Variants in XKR6 observed in about 807,000 individuals in gnomAD.
XKR6 encodes the protein XK-related protein 6.
Under a neutral mutation model 56.7 loss-of-function variants are expected in XKR6, and 22 were observed. The ratio of observed to expected loss-of-function variants is 0.39; its 90% CI spans 0.28 to 0.55. The LOEUF (loss-of-function observed/expected upper bound fraction) is 0.55. Among genes scored for constraint, XKR6 ranks in the 20% least tolerant of loss-of-function variants. The probability of loss-of-function intolerance (pLI) is 0.66; values close to 1 mark genes in which losing one functional copy is unlikely to be tolerated. For missense variants in XKR6, 852 were observed against 889.0 expected (o/e 0.96, Z 0.53); for synonymous variants, 524 against 387.8 (o/e 1.35, Z -4.13).
intron 1 of XKR6, among the ~76,000 whole-genome samples, chr8:11,089,620 G>C (rs765401184): frequency 6.6e-6 from 1 of 152,136 alleles, no homozygotes; most frequent in African/African-American, 2.4e-5. Flanking sequence ...CTAGGTGACA[G>C]AGTGAGATCC....
chr8:11,114,882 C>T (rs747903638), intron 1 of XKR6, among the ~76,000 whole-genome samples: 54 of 152,146 alleles, frequency 3.5e-4, no homozygotes, highest in Non-Finnish European at 5.3e-4. Flanking sequence ...TAGCAGTACT[C>T]GTACAACATG....
intron 1 of XKR6, among the ~76,000 whole-genome samples, chr8:11,001,904 G>C (rs1362820743): frequency 6.6e-6 from 1 of 152,094 alleles, no homozygotes; most frequent in African/African-American, 2.4e-5. Flanking sequence ...TCCCTCTGCT[G>C]TTCAGCCTCT....
At chr8:10,991,262 A>T (rs866591953) in intron 1 of XKR6, among the ~76,000 whole-genome samples, 1 of 152,032 alleles carries the variant, frequency 6.6e-6, no homozygotes. Flanking sequence ...AATGCTGGTC[A>T]TGGTGCAGAA....
chr8:10,975,702 G>T (rs1802534078), intron 1 of XKR6, among the ~76,000 whole-genome samples: 1 of 152,058 alleles, frequency 6.6e-6, no homozygotes, highest in Non-Finnish European at 1.5e-5. Context: ...CTGGCAGGGG[G>T]CTGGGAGGCC....
chr8:11,198,695 A>C (rs1804027633), intron 1 of XKR6, among the ~76,000 whole-genome samples: 1 of 152,198 alleles, frequency 6.6e-6, no homozygotes, highest in Non-Finnish European at 1.5e-5. Flanking sequence ...GCTTACTACT[A>C]GTAAGTGTCC....
At chr8:11,057,558 G>A (rs1203464713) in intron 1 of XKR6, among the ~76,000 whole-genome samples, 2 of 152,216 alleles carry the variant, frequency 1.3e-5, no homozygotes, top group African/African-American at 4.8e-5. Flanking sequence ...TTTCACACAT[G>A]TGAGGCATTC....
At chr8:10,899,283 A>G (rs890600523) in intron 2 of XKR6, among the ~76,000 whole-genome samples, 11 of 152,238 alleles carry the variant, frequency 7.2e-5, no homozygotes, top group African/African-American at 2.7e-4. Flanking sequence ...TGCGGCTGGC[A>G]TTGGCGTCGC....
intron 1 of XKR6, among the ~76,000 whole-genome samples, chr8:10,967,119 G>T (rs768307458): frequency 1.3e-5 from 2 of 152,214 alleles, no homozygotes; most frequent in Non-Finnish European, 2.9e-5. Flanking sequence ...AGGTCTGCAT[G>T]ACAGTGCGTG....
At chr8:11,008,740 G>T (rs773518518) in intron 1 of XKR6, among the ~76,000 whole-genome samples, 1 of 152,044 alleles carries the variant, frequency 6.6e-6, no homozygotes, top group Admixed American at 6.6e-5. Flanking sequence ...AGGGTTCACC[G>T]GTGGACACAT....
intron 1 of XKR6, among the ~76,000 whole-genome samples, chr8:11,172,429 AAG>A (rs1211095675): frequency 6.6e-6 from 1 of 152,184 alleles, no homozygotes; most frequent in Non-Finnish European, 1.5e-5. Flanking sequence ...CAAACAGACC[AAG>A]ACACTCCACC....
At chr8:11,137,328 T>G in intron 1 of XKR6, 1 of 316,792 alleles carries the variant, frequency 3.2e-6, no homozygotes, top group Non-Finnish European at 6.1e-6. Context: ...AGAGCATAAG[T>G]GAGAAAAAGA....
At chr8:10,998,276 C>T (rs1266251313) in intron 1 of XKR6, among the ~76,000 whole-genome samples, 1 of 152,004 alleles carries the variant, frequency 6.6e-6, no homozygotes, top group Non-Finnish European at 1.5e-5. Context: ...TACACACACA[C>T]ACACACATAC....
At chr8:11,144,237 TGTG>T (rs1800864728) in intron 1 of XKR6, among the ~76,000 whole-genome samples, 1 of 150,380 alleles carries the variant, frequency 6.6e-6, no homozygotes, top group Admixed American at 6.6e-5. Flanking sequence ...TGTGTGTGTG[TGTG>T]TGTGTGTGTG....
chr8:10,983,817 G>C (rs1002745780), intron 1 of XKR6, among the ~76,000 whole-genome samples: 1 of 151,904 alleles, frequency 6.6e-6, no homozygotes, highest in African/African-American at 2.4e-5. Flanking sequence ...CACCATGCCC[G>C]GCTAATTTTT....
At chr8:11,193,987 T>G (rs1163993310) in intron 1 of XKR6, among the ~76,000 whole-genome samples, 2 of 152,132 alleles carry the variant, frequency 1.3e-5, no homozygotes, top group Non-Finnish European at 2.9e-5. Context: ...ATTTTAACAT[T>G]AACTAATGAG....
intron 1 of XKR6, among the ~76,000 whole-genome samples, chr8:11,042,889 G>A (rs1260530568): frequency 1.3e-5 from 2 of 152,188 alleles, no homozygotes; most frequent in African/African-American, 2.4e-5. Context: ...CTTAGGCCCA[G>A]AAGAGTCCTC....
chr8:11,122,660 G>GT (rs1315629784), intron 1 of XKR6, among the ~76,000 whole-genome samples: 1 of 152,228 alleles, frequency 6.6e-6, no homozygotes, highest in Non-Finnish European at 1.5e-5. Flanking sequence ...GGTAAATAAT[G>GT]TAATTGTTCT....
intron 1 of XKR6, among the ~76,000 whole-genome samples, chr8:11,135,270 C>G (rs1359776304): frequency 6.6e-6 from 1 of 152,122 alleles, no homozygotes; most frequent in Non-Finnish European, 1.5e-5. Context: ...ACCTCGTGAT[C>G]CGCCAGTCTC....
chr8:11,032,155 T>C (rs1799008198), intron 1 of XKR6, among the ~76,000 whole-genome samples: 1 of 152,208 alleles, frequency 6.6e-6, no homozygotes, highest in African/African-American at 2.4e-5. Flanking sequence ...TCATCTAGTT[T>C]TTCTTCTGCT....
Sources: gnomAD v4.1 joint callset for allele counts (sites outside exome capture counted in the v4.1 genomes callset) on GRCh38, gnomAD v4.1.1 for gene constraint, MANE v1.5 for transcripts, NCBI Gene and HGNC (gene_info 2026-07-23, HGNC 2026-07-21) for gene names.